PPARGC1A: variants seen among roughly 807,000 people sequenced by gnomAD.
PPARGC1A encodes the protein PPARG coactivator 1 alpha, also known as peroxisome proliferator-activated receptor gamma coactivator 1-alpha.
PPARGC1A carries 25 observed loss-of-function variants against 88.7 expected under a neutral mutation model. That is an observed-to-expected ratio of 0.28 (90% CI 0.21 to 0.39). The LOEUF (loss-of-function observed/expected upper bound fraction) is 0.39. Ranked by LOEUF, PPARGC1A falls within the 10% of genes least tolerant of loss-of-function variation. The pLI is 1.00. For synonymous variants in PPARGC1A, 363 were observed against 355.6 expected, an observed-to-expected ratio of 1.02 and a Z score of -0.24; for missense variants, 880 against 968.7, an observed-to-expected ratio of 0.91 and a Z score of 1.22.
At chr4:24,348,391 A>G in the PPARGC1A span, among the ~76,000 whole-genome samples, 1 of 152,184 alleles carries the variant, frequency 6.6e-6, no homozygotes, top group African/African-American at 2.4e-5. Context: ...TTATTCCCCC[A>G]GACATATTTT....
the PPARGC1A span, among the ~76,000 whole-genome samples, chr4:24,163,211 A>G: frequency 6.7e-6 from 1 of 148,320 alleles, no homozygotes; most frequent in African/African-American, 2.5e-5. Context: ...GTGCCATACT[A>G]GATAAAAGAT....
At chr4:24,263,161 A>G in the PPARGC1A span, among the ~76,000 whole-genome samples, 3 of 152,214 alleles carry the variant, frequency 2.0e-5, no homozygotes, top group Non-Finnish European at 4.4e-5. Context: ...CTGTAGGTTC[A>G]CAGTAGTAAA....
At chr4:24,230,950 T>TAAAAAAA in the PPARGC1A span, among the ~76,000 whole-genome samples, 3 of 138,774 alleles carry the variant, frequency 2.2e-5, no homozygotes, top group Admixed American at 7.1e-5. Context: ...CAGAATTTAT[T>TAAAAAAA]AAAAAAAATA....
At chr4:24,317,347 C>T in the PPARGC1A span, among the ~76,000 whole-genome samples, 5 of 151,770 alleles carry the variant, frequency 3.3e-5, no homozygotes, top group Non-Finnish European at 7.4e-5. Flanking sequence ...GAAAGTGTGA[C>T]CAGTCCAGTG....
upstream of PPARGC1A, among the ~76,000 whole-genome samples, chr4:23,891,578 CATATT>C (rs570322804): frequency 1.6e-4 from 24 of 152,282 alleles, no homozygotes; most frequent in Non-Finnish European, 3.1e-4. Context: ...TCAGACCATA[CATATT>C]ATAAGAGATT....
At chr4:23,983,781 T>C in the PPARGC1A span, among the ~76,000 whole-genome samples, 1 of 152,104 alleles carries the variant, frequency 6.6e-6, no homozygotes, top group South Asian at 2.1e-4. Flanking sequence ...AAGAAAATTC[T>C]TCCTGGCCCA....
At chr4:24,083,219 T>C in the PPARGC1A span, among the ~76,000 whole-genome samples, 1 of 152,110 alleles carries the variant, frequency 6.6e-6, no homozygotes, top group East Asian at 1.9e-4. Flanking sequence ...TTCCAGACAG[T>C]GAGAAAACTA....
At chr4:23,872,595 A>G (rs914520054) in intron 2 of PPARGC1A, among the ~76,000 whole-genome samples, 1 of 152,180 alleles carries the variant, frequency 6.6e-6, no homozygotes, top group Non-Finnish European at 1.5e-5. Context: ...TAACTGGGTA[A>G]CAGACAGATG....
the PPARGC1A span, among the ~76,000 whole-genome samples, chr4:24,064,652 GCCCCTTGT>G: frequency 4.4e-4 from 67 of 152,174 alleles, no homozygotes; most frequent in East Asian, 3.3e-3. Flanking sequence ...ACCCCCAGCA[GCCCCTTGT>G]CCTTTCATAA....
At chr4:24,018,778 T>C in the PPARGC1A span, among the ~76,000 whole-genome samples, 1 of 146,804 alleles carries the variant, frequency 6.8e-6, no homozygotes, top group Non-Finnish European at 1.5e-5. Flanking sequence ...CTTTTTTTTT[T>C]CACCACTAAA....
At chr4:24,109,298 TACACACACACACACACACACACACACAC>T in the PPARGC1A span, among the ~76,000 whole-genome samples, 3 of 131,800 alleles carry the variant, frequency 2.3e-5, no homozygotes, top group Non-Finnish European at 4.8e-5. Flanking sequence ...CATTTCATTA[TACACACACACACACACACACACACACAC>T]ACACACACAC....
the PPARGC1A span, among the ~76,000 whole-genome samples, chr4:23,997,384 A>G: frequency 6.6e-6 from 1 of 152,034 alleles, no homozygotes; most frequent in East Asian, 1.9e-4. Context: ...CAGATTACCT[A>G]GGATTACAGG....
chr4:23,996,197 A>G, the PPARGC1A span, among the ~76,000 whole-genome samples: 3 of 152,148 alleles, frequency 2.0e-5, no homozygotes, highest in South Asian at 2.1e-4. Flanking sequence ...TTTGACTGGT[A>G]CTTTTCCTAT....
the PPARGC1A span, among the ~76,000 whole-genome samples, chr4:24,081,515 A>T: frequency 6.6e-6 from 1 of 152,200 alleles, no homozygotes; most frequent in South Asian, 2.1e-4. Context: ...CACTGCAAGA[A>T]GCTCGTGCCC....
intron 2 of PPARGC1A, among the ~76,000 whole-genome samples, chr4:23,860,992 A>T (rs185487006): frequency 1.3e-5 from 2 of 152,302 alleles, no homozygotes; most frequent in Admixed American, 1.3e-4. Context: ...TCTTCATCCA[A>T]TCAGCAGTAC....
At chr4:24,141,078 A>G in the PPARGC1A span, among the ~76,000 whole-genome samples, 1 of 152,228 alleles carries the variant, frequency 6.6e-6, no homozygotes, top group African/African-American at 2.4e-5. Context: ...CCATAAGTGC[A>G]CTGGAAGATG....
chr4:23,962,273 A>G, the PPARGC1A span, among the ~76,000 whole-genome samples: 1 of 152,148 alleles, frequency 6.6e-6, no homozygotes, highest in Admixed American at 6.5e-5. Flanking sequence ...AAGTAAAGCA[A>G]CCCGGAAAGG....
At chr4:24,109,959 G>A in the PPARGC1A span, among the ~76,000 whole-genome samples, 1 of 152,132 alleles carries the variant, frequency 6.6e-6, no homozygotes, top group Admixed American at 6.6e-5. Flanking sequence ...CAGGAGCCTA[G>A]AGAGGAAGTG....
chr4:24,173,559 T>C, the PPARGC1A span, among the ~76,000 whole-genome samples: 1 of 152,000 alleles, frequency 6.6e-6, no homozygotes, highest in Non-Finnish European at 1.5e-5. Flanking sequence ...CAAATTGAAG[T>C]CAAGGAGATA....
Sources: gnomAD v4.1 joint callset for allele counts (sites outside exome capture counted in the v4.1 genomes callset) on GRCh38, gnomAD v4.1.1 for gene constraint, MANE v1.5 for transcripts, NCBI Gene and HGNC (gene_info 2026-07-23, HGNC 2026-07-21) for gene names.